FRMD5: variants seen among roughly 807,000 people sequenced by gnomAD.
FRMD5 encodes FERM domain containing 5.
FRMD5 carries 20 observed loss-of-function variants against 69.0 expected under a neutral mutation model. That is an observed-to-expected ratio of 0.29 (90% CI 0.20 to 0.42). The LOEUF (loss-of-function observed/expected upper bound fraction) is 0.42, where lower values mean the gene tolerates loss of function less well. FRMD5 is among the 10% of genes least tolerant of loss of function. The pLI is 1.00. For missense variants in FRMD5, 595 were observed against 708.6 expected (o/e 0.84, Z 1.82); for synonymous variants, 271 against 260.1 (o/e 1.04, Z -0.40).
chr15:43,880,254 T>G (rs567364460), intron 13 of FRMD5, among the ~76,000 whole-genome samples: 2 of 152,170 alleles, frequency 1.3e-5, no homozygotes, highest in Non-Finnish European at 2.9e-5. Context: ...AAATGGACTA[T>G]AGAAAAGAAA....
intron 1 of FRMD5, among the ~76,000 whole-genome samples, chr15:44,072,933 C>A (rs181321092): frequency 6.6e-6 from 1 of 152,122 alleles, no homozygotes; most frequent in South Asian, 2.1e-4. Context: ...AGTTCAAGAC[C>A]AACCTGGGCA....
chr15:43,946,934 G>A (rs2089956806), intron 1 of FRMD5, among the ~76,000 whole-genome samples: 1 of 152,180 alleles, frequency 6.6e-6, no homozygotes, highest in Non-Finnish European at 1.5e-5. Context: ...TCAGTCTTTA[G>A]AACACCAGGT....
chr15:44,033,716 T>A (rs866080205), intron 1 of FRMD5, among the ~76,000 whole-genome samples: 16 of 152,188 alleles, frequency 1.1e-4, no homozygotes, highest in Admixed American at 3.3e-4. Context: ...ATTAAAATCA[T>A]GGGCATAAAC....
In FRMD5 at chr15:43,872,516, G is replaced by C. The variant is rs2088186963; in HGVS notation, c.*1369C>G. The C allele has an allele frequency of 6.6e-6, 1 of 152,164 alleles. No homozygotes were observed. Among genetic ancestry groups the C allele is most frequent in the South Asian group, 2.1e-4 (1 of 4,828 alleles). 9.4% of individuals were successfully genotyped at this position (152,164 alleles called of 1,614,324 possible). ...TTAGAGTTGAAGAGCTTGGGCCTAG[G>C]ATCCCACACTCGCCCTTCATATGCC... is the stretch of plus-strand genomic sequence containing the variant. On this transcript the variant is annotated 3_prime_UTR_variant, in exon 14 of 14. Coordinates refer to ENST00000417257, the MANE Select transcript of FRMD5 (RefSeq NM_032892.5).
chr15:44,034,108 C>G (rs957845779), intron 1 of FRMD5, among the ~76,000 whole-genome samples: 3 of 152,188 alleles, frequency 2.0e-5, no homozygotes, highest in African/African-American at 7.2e-5. Flanking sequence ...TGAGTGGAAA[C>G]TGTTACTCTT....
chr15:43,903,573 G>C (rs1426901648), intron 6 of FRMD5, among the ~76,000 whole-genome samples: 3 of 152,220 alleles, frequency 2.0e-5, no homozygotes, highest in Admixed American at 6.5e-5. Context: ...CCTGTGGAAG[G>C]GGGTATTGCT....
chr15:44,140,415 GA>G (rs2077251839), intron 1 of FRMD5, among the ~76,000 whole-genome samples: 1 of 152,076 alleles, frequency 6.6e-6, no homozygotes, highest in South Asian at 2.1e-4. Context: ...AACGTGTAAA[GA>G]GGGGTAGTCA....
At chr15:43,924,647 C>G (rs1455212981) in intron 1 of FRMD5, among the ~76,000 whole-genome samples, 3 of 152,098 alleles carry the variant, frequency 2.0e-5, no homozygotes, top group Non-Finnish European at 4.4e-5. Context: ...AATAATTACA[C>G]CAGGCCCAGC....
At chr15:43,930,814 G>A (rs1370590936) in intron 1 of FRMD5, among the ~76,000 whole-genome samples, 1 of 152,222 alleles carries the variant, frequency 6.6e-6, no homozygotes, top group East Asian at 1.9e-4. Flanking sequence ...TGTGCACGTG[G>A]GGTGGGGAAA....
chr15:43,885,749 C>T lies in FRMD5; in HGVS notation c.891G>A (p.Glu297=). Residue 297 remains glutamate, a synonymous_variant, in exon 11 of 14, where the codon GAG becomes GAA. Transcript: ENST00000417257. The stretch of plus-strand genomic sequence containing the variant: ...ACACTGTGCGGACTTGGCTTGACTT[C>T]TCCAGCCTGTAGCAAGGCAAAGTCC... ...GIENQAFYKL[E]KSSQVRTVSS... The T allele has an allele frequency of 1.2e-6, 2 of 1,614,100 alleles. No individual in the cohort carries two copies. The highest frequency in any genetic ancestry group is 2.2e-5 in the South Asian group (2 of 91,086).
rs773916729 is a variant in FRMD5 at position 43,888,881 on chromosome 15, A to G, written c.729-9T>C. On this transcript the variant is annotated splice_polypyrimidine_tract_variant and intron_variant, in intron 8 of 13. Coordinates refer to ENST00000417257, the MANE Select transcript of FRMD5 (RefSeq NM_032892.5). ...GCTTGGTCACCTCATTCCTAGAAGC[A>G]CAAAGATAGTGCCTGTCACCTCATT... The G allele has an allele frequency of 3.1e-6, 5 of 1,613,212 alleles. No individual in the cohort carries two copies. In the South Asian group the frequency reaches 5.5e-5, roughly 18 times the overall value.
chr15:44,074,076 A>G (rs993096277), intron 1 of FRMD5, among the ~76,000 whole-genome samples: 8 of 152,152 alleles, frequency 5.3e-5, no homozygotes, highest in African/African-American at 1.9e-4. Flanking sequence ...ATAGACTCTG[A>G]ACTGGGAATC....
intron 1 of FRMD5, among the ~76,000 whole-genome samples, chr15:43,988,025 C>T (rs1421478325): frequency 4.6e-5 from 7 of 152,136 alleles, no homozygotes. Flanking sequence ...AATCCAGATC[C>T]CTCATGTGCA....
At chr15:44,188,096 T>C (rs2078133064) in intron 1 of FRMD5, among the ~76,000 whole-genome samples, 1 of 152,180 alleles carries the variant, frequency 6.6e-6, no homozygotes, top group Non-Finnish European at 1.5e-5. Flanking sequence ...TGACTTTTCC[T>C]TTCCCCTAGT....
chr15:43,888,405 G>C (rs2088715219), intron 9 of FRMD5, 139 bp from the exon 10 acceptor site: 2 of 635,076 alleles, frequency 3.1e-6, no homozygotes, highest in East Asian at 5.4e-5. Flanking sequence ...GACCCACTGA[G>C]GCAGAGCTCA....
intron 7 of FRMD5, among the ~76,000 whole-genome samples, chr15:43,901,614 G>A (rs760570615): frequency 1.2e-4 from 18 of 152,148 alleles, no homozygotes; most frequent in East Asian, 1.9e-4. Flanking sequence ...CACAGGCCTC[G>A]GCAGTGACTG....
intron 1 of FRMD5, among the ~76,000 whole-genome samples, chr15:44,018,904 CT>C (rs927383285): frequency 8.8e-5 from 13 of 148,236 alleles, no homozygotes; most frequent in Admixed American, 4.1e-4. Context: ...CTTTTCTTTT[CT>C]TTTTTTTTTA....
intron 8 of FRMD5, 50 bp from the exon 9 acceptor site, chr15:43,888,922 A>G (rs757615133): frequency 4.5e-6 from 7 of 1,542,820 alleles, no homozygotes; most frequent in East Asian, 2.2e-5. Flanking sequence ...CTGCTTGTTC[A>G]CAGCTAAATC....
At chr15:44,034,190 C>T (rs1891811399) in intron 1 of FRMD5, among the ~76,000 whole-genome samples, 2 of 152,196 alleles carry the variant, frequency 1.3e-5, no homozygotes, top group African/African-American at 2.4e-5. Context: ...GAAAAATATG[C>T]TCCTTAGGCA....
Sources: allele counts gnomAD v4.1 joint callset (sites outside exome capture counted in the v4.1 genomes callset), GRCh38; gene constraint gnomAD v4.1.1; transcripts MANE v1.5; gene names NCBI Gene and HGNC (gene_info 2026-07-23, HGNC 2026-07-21).